GRID2: variants seen among roughly 807,000 people sequenced by gnomAD.
GRID2 encodes the protein glutamate receptor ionotropic, delta-2.
In GRID2, 33 loss-of-function variants were observed where a neutral mutation model predicts 114.8. That is an observed-to-expected ratio of 0.29 (90% CI 0.22 to 0.38). The LOEUF (loss-of-function observed/expected upper bound fraction) is 0.38. Among genes scored for constraint, GRID2 ranks in the 10% least tolerant of loss-of-function variants. GRID2 has a pLI of 1.00. For missense variants in GRID2, 1,184 were observed against 1,257.7 expected (o/e 0.94, Z 0.89); for synonymous variants, 505 against 449.9 (o/e 1.12, Z -1.55).
intron 2 of GRID2, among the ~76,000 whole-genome samples, chr4:93,060,377 T>C (rs1310956334): frequency 2.0e-5 from 3 of 152,202 alleles, no homozygotes; most frequent in African/African-American, 7.2e-5. Context: ...CTGCCTGCTA[T>C]ATTCTGATAA....
chr4:92,705,219 A>T (rs184168750), intron 2 of GRID2, among the ~76,000 whole-genome samples: 1 of 152,288 alleles, frequency 6.6e-6, no homozygotes. Context: ...CAAAAGAAAA[A>T]AATCCATCAA....
chr4:92,699,558 A>G (rs965732379), intron 2 of GRID2, among the ~76,000 whole-genome samples: 1 of 152,100 alleles, frequency 6.6e-6, no homozygotes, highest in African/African-American at 2.4e-5. Context: ...ACTGACCACA[A>G]TTTTTTACTA....
At chr4:92,723,245 T>A (rs1473816956) in intron 2 of GRID2, among the ~76,000 whole-genome samples, 1 of 151,992 alleles carries the variant, frequency 6.6e-6, no homozygotes. Flanking sequence ...AATTGGAATT[T>A]AAGATGTTGT....
At chr4:92,919,230 A>T (rs1749090661) in intron 2 of GRID2, among the ~76,000 whole-genome samples, 1 of 149,594 alleles carries the variant, frequency 6.7e-6, no homozygotes, top group Non-Finnish European at 1.5e-5. Flanking sequence ...CATCTATTTG[A>T]TTCTTCTCTC....
chr4:93,160,729 G>A (rs956487635), intron 4 of GRID2, among the ~76,000 whole-genome samples: 1 of 151,700 alleles, frequency 6.6e-6, no homozygotes, highest in African/African-American at 2.4e-5. Flanking sequence ...TTCTCTAATA[G>A]AGCTGTTATT....
At chr4:92,583,678 C>T (rs1207847434) in intron 1 of GRID2, among the ~76,000 whole-genome samples, 1 of 146,568 alleles carries the variant, frequency 6.8e-6, no homozygotes, top group Non-Finnish European at 1.5e-5. Context: ...TATACACACA[C>T]ATACACATAT....
intron 2 of GRID2, among the ~76,000 whole-genome samples, chr4:92,802,471 C>A (rs1424410359): frequency 6.6e-6 from 1 of 151,440 alleles, no homozygotes; most frequent in Non-Finnish European, 1.5e-5. Context: ...TCCACCCAGC[C>A]CTTTGCTAGT....
chr4:92,649,178 G>A (rs1278983075), intron 2 of GRID2, among the ~76,000 whole-genome samples: 2 of 102,920 alleles, frequency 1.9e-5, no homozygotes, highest in African/African-American at 7.8e-5. Flanking sequence ...ATGAGGAAGA[G>A]GTAACGGGAG....
rs905691752 is a variant in GRID2 at position 93,773,771 on chromosome 4, A to T, written c.*1273A>T. The T allele has an allele frequency of 2.0e-5, 3 of 152,132 alleles. No homozygotes were observed. 9.4% of individuals were successfully genotyped at this position (152,132 alleles called of 1,614,324 possible). On this transcript the variant is annotated 3_prime_UTR_variant, in exon 16 of 16. Transcript: ENST00000282020. The stretch of plus-strand genomic sequence containing the variant: ...CATTTATTATCCTAAAGAAGAAAAC[A>T]TAATAACCATAATGGGCTCTCAACT...
intron 10 of GRID2, among the ~76,000 whole-genome samples, chr4:93,434,763 C>G (rs1031846024): frequency 4.8e-4 from 73 of 152,190 alleles, no homozygotes; most frequent in Non-Finnish European, 7.2e-4. Flanking sequence ...GGGTTTCCAT[C>G]CCACTCAGAG....
chr4:92,353,832 A>G (rs1352360362), intron 1 of GRID2, among the ~76,000 whole-genome samples: 1 of 151,844 alleles, frequency 6.6e-6, no homozygotes, highest in East Asian at 1.9e-4. Context: ...ATGACTTCCT[A>G]ATTGCCCTTT....
chr4:93,769,243 C>T lies in GRID2; in HGVS notation c.2394C>T (p.Asp798=). The T allele has an allele frequency of 1.2e-6, 2 of 1,613,572 alleles. No individual in the cohort carries two copies. Among genetic ancestry groups the T allele is most frequent in the Non-Finnish European group, 1.7e-6 (2 of 1,179,468 alleles). Residue 798 remains aspartate (D), a synonymous_variant, in exon 15 of 16, where the codon GAC becomes GAT. Transcript: ENST00000282020. ...AGCTTCAGCAGAATGGTGACATGGA[C>T]ATCCTGAAGCACAAATGGTGGCCTA... ...ILELQQNGDM[D]ILKHKWWPKN... is the part of the protein sequence containing the mutation.
At chr4:92,797,482 G>A (rs1739941817) in intron 2 of GRID2, among the ~76,000 whole-genome samples, 1 of 151,788 alleles carries the variant, frequency 6.6e-6, no homozygotes, top group Non-Finnish European at 1.5e-5. Flanking sequence ...TCTTTGGACT[G>A]CAAATAGCAC....
intron 1 of GRID2, among the ~76,000 whole-genome samples, chr4:92,483,970 A>G (rs1722743908): frequency 6.6e-6 from 1 of 152,138 alleles, no homozygotes; most frequent in Admixed American, 6.6e-5. Flanking sequence ...ATGGCATAGG[A>G]AAGAAGATTA....
At chr4:92,593,930 A>G (rs947669012) in intron 2 of GRID2, among the ~76,000 whole-genome samples, 2 of 137,160 alleles carry the variant, frequency 1.5e-5, no homozygotes, top group Admixed American at 1.5e-4. Context: ...ATACAAAAAG[A>G]AAAAAAAAAC....
At chr4:93,444,899 T>A (rs752292663) in intron 10 of GRID2, among the ~76,000 whole-genome samples, 1 of 151,978 alleles carries the variant, frequency 6.6e-6, no homozygotes, top group Non-Finnish European at 1.5e-5. Context: ...TGTTTACATA[T>A]GAGGAAATGT....
Position 93,501,631 on chromosome 4 carries a change from A to G in GRID2, c.1997+10854A>G, listed in dbSNP as rs530557345. ...TTGGAAAAAAATTAAAACTTCCTAG[A>G]AGTATATTGGTCTTTCAAAGCCACC... On this transcript the variant is annotated intron_variant, in intron 12 of 15. Transcript: ENST00000282020. Among the ~76,000 whole-genome samples, 3 of 152,154 alleles carry G rather than the reference A, an allele frequency of 2.0e-5. No individual in the cohort carries two copies. In the South Asian group the frequency reaches 6.2e-4, roughly 32 times the overall value.
intron 12 of GRID2, among the ~76,000 whole-genome samples, chr4:93,500,668 C>T (rs559415786): frequency 6.6e-6 from 1 of 152,046 alleles, no homozygotes; most frequent in Admixed American, 6.6e-5. Context: ...ATCTGCAAGC[C>T]TTATCTGAAT....
intron 2 of GRID2, among the ~76,000 whole-genome samples, chr4:92,691,004 T>G (rs539486137): frequency 6.6e-6 from 1 of 152,214 alleles, no homozygotes; most frequent in African/African-American, 2.4e-5. Context: ...AATTTTCAAA[T>G]AATTTCCAAA....
Sources: gnomAD v4.1 joint callset for allele counts (sites outside exome capture counted in the v4.1 genomes callset) on GRCh38, gnomAD v4.1.1 for gene constraint, MANE v1.5 for transcripts, NCBI Gene and HGNC (gene_info 2026-07-23, HGNC 2026-07-21) for gene names.